The following ZNRF1 variants were observed in gnomAD, a reference collection of about 807,000 sequenced individuals.
ZNRF1 encodes E3 ubiquitin-protein ligase ZNRF1.
A neutral mutation model predicts 18.4 loss-of-function variants in ZNRF1; 3 were observed. That is an observed-to-expected ratio of 0.16 (90% CI 0.07 to 0.42). The LOEUF (loss-of-function observed/expected upper bound fraction) is 0.42, where lower values mean the gene tolerates loss of function less well. ZNRF1 is among the 10% of genes least tolerant of loss of function. The probability of loss-of-function intolerance (pLI) is 0.99; values close to 1 mark genes in which losing one functional copy is unlikely to be tolerated. For missense variants in ZNRF1, 310 were observed against 329.8 expected (o/e 0.94, Z 0.47); for synonymous variants, 157 against 144.2 (o/e 1.09, Z -0.64).
At chr16:75,004,058 T>G (rs1021126338) in intron 1 of ZNRF1, among the ~76,000 whole-genome samples, 2 of 151,716 alleles carry the variant, frequency 1.3e-5, no homozygotes, top group African/African-American at 4.8e-5. Context: ...ACTCCTGGGC[T>G]CAGTTGATCC....
At chr16:75,032,815 G>C (rs2035323481) in intron 1 of ZNRF1, among the ~76,000 whole-genome samples, 1 of 151,758 alleles carries the variant, frequency 6.6e-6, no homozygotes, top group African/African-American at 2.4e-5. Context: ...TTGAGACCCA[G>C]ACCAGCCTGG....
At chr16:75,096,916 G>A (rs2036206697) in intron 2 of ZNRF1, among the ~76,000 whole-genome samples, 1 of 152,136 alleles carries the variant, frequency 6.6e-6, no homozygotes. Flanking sequence ...GGTGCTCCGA[G>A]GACAGGCACC....
At chr16:75,027,461 G>C (rs940192363) in intron 1 of ZNRF1, among the ~76,000 whole-genome samples, 4 of 152,146 alleles carry the variant, frequency 2.6e-5, no homozygotes, top group African/African-American at 9.7e-5. Flanking sequence ...TCAGCCATAA[G>C]AGTTGCCCCC....
At chr16:75,097,773 G>A (rs914649464) in intron 2 of ZNRF1, among the ~76,000 whole-genome samples, 2 of 152,144 alleles carry the variant, frequency 1.3e-5, no homozygotes, top group South Asian at 4.1e-4. Flanking sequence ...GCTTGATCAC[G>A]CCACTGCACT....
chr16:75,060,514 G>C (rs1463314242), intron 1 of ZNRF1, among the ~76,000 whole-genome samples: 1 of 92,140 alleles, frequency 1.1e-5, no homozygotes, highest in African/African-American at 4.4e-5. Context: ...GTTTCATTCT[G>C]TCGCCCAGGC....
rs190749811 is a variant in ZNRF1 at position 75,004,908 on chromosome 16, G to A, written c.424+4813G>A. Among the ~76,000 whole-genome samples the A allele has an allele frequency of 1.3e-4, 20 of 152,298 alleles. No individual in the cohort carries two copies. The East Asian group carries it at 3.3e-3, about 25-fold the overall frequency. ...TGGGATTATAGGCATAAGCCACCAC[G>A]CCTGGCCCAACGTGGCTTTTAATAA... is the stretch of plus-strand genomic sequence containing the variant. On this transcript the variant is annotated intron_variant, in intron 1 of 4. Coordinates refer to ENST00000335325, the MANE Select transcript of ZNRF1 (RefSeq NM_032268.5).
chr16:75,036,354 C>G (rs1277591134), intron 1 of ZNRF1, among the ~76,000 whole-genome samples: 1 of 152,054 alleles, frequency 6.6e-6, no homozygotes, highest in African/African-American at 2.4e-5. Flanking sequence ...TGGTCTTGAA[C>G]TCCTGAACCT....
At chr16:75,075,678 A>C (rs1235937093) in intron 1 of ZNRF1, among the ~76,000 whole-genome samples, 1 of 152,230 alleles carries the variant, frequency 6.6e-6, no homozygotes, top group Non-Finnish European at 1.5e-5. Flanking sequence ...CAGTAAAATA[A>C]ACAGACTCTG....
intron 2 of ZNRF1, 56 bp from the exon 3 acceptor site, chr16:75,104,728 T>C: frequency 6.7e-7 from 1 of 1,491,748 alleles, no homozygotes; most frequent in Non-Finnish European, 9.2e-7. Context: ...GCTTGCCCCA[T>C]GCCACCTGTC....
intron 1 of ZNRF1, among the ~76,000 whole-genome samples, chr16:75,026,665 G>A (rs956897695): frequency 3.9e-5 from 6 of 152,194 alleles, no homozygotes; most frequent in African/African-American, 1.4e-4. Context: ...GCCAGGCGCA[G>A]TGGCTCACCC....
At chr16:75,042,862 A>T (rs1308598315) in intron 1 of ZNRF1, among the ~76,000 whole-genome samples, 2 of 152,170 alleles carry the variant, frequency 1.3e-5, no homozygotes, top group East Asian at 3.9e-4. Context: ...TTTAGAGGTT[A>T]TAATAAGCGA....
At chr16:75,004,615 GTTAT>G (rs1228095728) in intron 1 of ZNRF1, among the ~76,000 whole-genome samples, 2 of 151,964 alleles carry the variant, frequency 1.3e-5, no homozygotes, top group Non-Finnish European at 2.9e-5. Flanking sequence ...TTTTGTTTTT[GTTAT>G]TTATTTATTT....
intron 1 of ZNRF1, among the ~76,000 whole-genome samples, chr16:75,078,499 A>G (rs965687979): frequency 2.0e-5 from 3 of 151,990 alleles, no homozygotes; most frequent in African/African-American, 7.3e-5. Flanking sequence ...GGGTTTCACC[A>G]CGTTGGTCAG....
chr16:75,039,120 C>T (rs2035409597), intron 1 of ZNRF1, among the ~76,000 whole-genome samples: 1 of 152,014 alleles, frequency 6.6e-6, no homozygotes, highest in Admixed American at 6.6e-5. Context: ...TTAATAGTTC[C>T]TATAGATCTA....
chr16:75,021,166 A>C (rs923877672), intron 1 of ZNRF1, among the ~76,000 whole-genome samples: 4 of 152,106 alleles, frequency 2.6e-5, no homozygotes, highest in Non-Finnish European at 4.4e-5. Context: ...TCAGCCTCGC[A>C]AGTAGCTGGG....
chr16:75,024,089 C>T (rs1241639964), intron 1 of ZNRF1, among the ~76,000 whole-genome samples: 1 of 151,984 alleles, frequency 6.6e-6, no homozygotes, highest in Non-Finnish European at 1.5e-5. Context: ...AGGCTGGTCT[C>T]GAACTCCTGA....
intron 1 of ZNRF1, among the ~76,000 whole-genome samples, chr16:75,074,408 C>T (rs368634994): frequency 6.6e-6 from 1 of 152,148 alleles, no homozygotes; most frequent in Non-Finnish European, 1.5e-5. Flanking sequence ...AAGTTGGTGT[C>T]TAAAGGGTGT....
rs115513844 is a variant in ZNRF1 at position 75,006,302 on chromosome 16, A to T, written c.424+6207A>T. ...CTTCATAGGGAAGTGGTGGTAACTT[A>T]AATGGGATATTGATTCTGCTCCTAC... On this transcript the variant is annotated intron_variant, in intron 1 of 4. Coordinates refer to ENST00000335325, the MANE Select transcript of ZNRF1 (RefSeq NM_032268.5). 3.4e-3 allele frequency among the ~76,000 whole-genome samples: 524 copies of T among 152,338 alleles called. 1 individual carries two copies. The highest frequency in any genetic ancestry group is 0.011 in the African/African-American group (444 of 41,572).
chr16:75,020,880 C>G (rs553577623), intron 1 of ZNRF1, among the ~76,000 whole-genome samples: 2 of 151,926 alleles, frequency 1.3e-5, no homozygotes, highest in Non-Finnish European at 2.9e-5. Context: ...ATTATTCTAC[C>G]ATTTGGAAAC....
Sources: gnomAD v4.1 joint callset for allele counts (sites outside exome capture counted in the v4.1 genomes callset) on GRCh38, gnomAD v4.1.1 for gene constraint, MANE v1.5 for transcripts, NCBI Gene and HGNC (gene_info 2026-07-23, HGNC 2026-07-21) for gene names.